CDC27: variants seen among roughly 807,000 people sequenced by gnomAD.
The protein encoded by CDC27 is cell division cycle protein 27 homolog.
A neutral mutation model predicts 109.7 loss-of-function variants in CDC27; 27 were observed. The observed-to-expected ratio is 0.25, with a 90% CI of 0.18 to 0.34. CDC27 has a LOEUF of 0.34. CDC27 is among the 10% of genes least tolerant of loss of function. CDC27 has a pLI of 1.00. For synonymous variants in CDC27, 266 were observed against 333.9 expected (o/e 0.80, Z 2.22); for missense variants, 579 against 960.2 (o/e 0.60, Z 5.25).
intron 3 of CDC27, among the ~76,000 whole-genome samples, chr17:47,171,244 G>A (rs1466323779): frequency 6.6e-6 from 1 of 152,208 alleles, no homozygotes; most frequent in Non-Finnish European, 1.5e-5. Context: ...TAATTAAAAA[G>A]CCATCAATTA....
intron 16 of CDC27, among the ~76,000 whole-genome samples, chr17:47,124,633 CAA>C (rs998160114): frequency 1.6e-4 from 25 of 152,136 alleles, no homozygotes; most frequent in African/African-American, 5.3e-4. Context: ...TTCAGAACAA[CAA>C]AAAGTTATTG....
At position 47,150,034 on chromosome 17, in the gene CDC27, C is replaced by T. The variant is rs1474630065; in HGVS notation, c.1070+1772G>A. Among the ~76,000 whole-genome samples the T allele has an allele frequency of 2.0e-5, 3 of 152,026 alleles. No individual in the cohort carries two copies. The East Asian group carries it at 5.8e-4, about 29-fold the overall frequency. On this transcript the variant is annotated intron_variant, in intron 9 of 18. Transcript: ENST00000066544. The stretch of plus-strand genomic sequence containing the variant: ...GGCAGAAACCACAACCACAATAATG[C>T]ACTGTGGGGTTTATAACATATATAG...
Position 47,151,788 on chromosome 17 carries a change from A to T in CDC27, c.1070+18T>A. On this transcript the variant is annotated intron_variant, in intron 9 of 18. Coordinates refer to ENST00000066544, the MANE Select transcript of CDC27 (RefSeq NM_001256.6). ...AGTTTTATGCCAAGAAAAGTTGAAT[A>T]ATTACAATGATAAATACCTTGTTTG... is the stretch of plus-strand genomic sequence containing the variant. The T allele has an allele frequency of 6.6e-7, 1 of 1,514,052 alleles. No individual in the cohort carries two copies. The highest frequency in any genetic ancestry group is 8.9e-7 in the Non-Finnish European group (1 of 1,129,608). 93.8% of individuals were successfully genotyped at this position (1,514,052 alleles called of 1,614,324 possible).
At chr17:47,127,258 C>G (rs1014090777) in intron 16 of CDC27, among the ~76,000 whole-genome samples, 1 of 151,952 alleles carries the variant, frequency 6.6e-6, no homozygotes, top group Non-Finnish European at 1.5e-5. Context: ...GCAAGAAAAA[C>G]AAAAACTAAA....
intron 16 of CDC27, among the ~76,000 whole-genome samples, chr17:47,124,439 A>G (rs182545445): frequency 7.5e-4 from 114 of 152,182 alleles, no homozygotes; most frequent in African/African-American, 2.7e-3. Context: ...ATGCGCCACC[A>G]CACCCAGCTA....
intron 4 of CDC27, among the ~76,000 whole-genome samples, chr17:47,168,434 C>T (rs572150417): frequency 1.4e-4 from 22 of 152,284 alleles, no homozygotes; most frequent in African/African-American, 5.3e-4. Flanking sequence ...CTATATCACA[C>T]TTACAAACTT....
Position 47,121,122 on chromosome 17 carries a change from C to T in CDC27, c.2393-105G>A. On this transcript the variant is annotated intron_variant, in intron 18 of 18. Transcript: ENST00000066544. ...TTGTATTATATTCAGAGAGATAAAA[C>T]CCTAAATAAAGGCCCTTAAAAATCC... 7 of 743,540 alleles carry T rather than the reference C, an allele frequency of 9.4e-6. No homozygotes were observed. In the South Asian group the frequency reaches 1.1e-4, roughly 12 times the overall value. The allele number at this position is 743,540 out of a possible 1,614,324, so 46.1% of individuals were successfully genotyped here.
chr17:47,160,941 A>T (rs1386001442), intron 4 of CDC27: 1 of 152,246 alleles, frequency 6.6e-6, no homozygotes, highest in Non-Finnish European at 1.5e-5. Context: ...CACTTGTGTA[A>T]TTTAAGCCAA....
rs199734317 is a variant in CDC27 at position 47,129,348 on chromosome 17, T to C, written c.2160+45A>G. 1,130 of 1,391,358 alleles carry C rather than the reference T, an allele frequency of 8.1e-4. 2 individuals are homozygous for C. The highest frequency in any genetic ancestry group is 1.1e-3 in the Non-Finnish European group (1,060 of 1,009,336). The allele number at this position is 1,391,358 out of a possible 1,614,324, so 86.2% of individuals were successfully genotyped here. A position where few individuals can be genotyped will look rare whatever the true frequency, so the allele number is the denominator to read the frequency against. ...TATTGAAAACAAGGGATAACGTTGT[T>C]TTTAAGCAATACAACACTGAAGACC... On this transcript the variant is annotated intron_variant, in intron 16 of 18. Transcript: ENST00000066544.
chr17:47,170,182 T>A, intron 3 of CDC27, 140 bp from the exon 4 acceptor site: 1 of 533,664 alleles, frequency 1.9e-6, no homozygotes. Context: ...CTTCCTTCCT[T>A]CATCCCTCCC....
intron 8 of CDC27, among the ~76,000 whole-genome samples, chr17:47,153,729 T>A (rs2063215818): frequency 6.6e-6 from 1 of 152,166 alleles, no homozygotes; most frequent in Non-Finnish European, 1.5e-5. Flanking sequence ...GCCACAGATA[T>A]GCTTTTTAAA....
intron 4 of CDC27, among the ~76,000 whole-genome samples, chr17:47,162,493 T>C (rs1279562407): frequency 6.6e-6 from 1 of 152,228 alleles, no homozygotes; most frequent in Admixed American, 6.5e-5. Flanking sequence ...TGTTTTCAAG[T>C]AGCCCCGTCC....
chr17:47,168,719 G>A (rs1440431111), intron 4 of CDC27, among the ~76,000 whole-genome samples: 1 of 152,088 alleles, frequency 6.6e-6, no homozygotes, highest in African/African-American at 2.4e-5. Context: ...TCGCAAGAGT[G>A]GTGTTAATGG....
intron 9 of CDC27, among the ~76,000 whole-genome samples, chr17:47,145,682 C>T (rs1429323152): frequency 2.0e-5 from 3 of 152,122 alleles, no homozygotes; most frequent in Admixed American, 1.3e-4. Flanking sequence ...GCAGGCGGAT[C>T]ACGAGGTCAA....
intron 12 of CDC27, 90 bp downstream of exon 12, chr17:47,141,763 T>C (rs927791564): frequency 4.3e-6 from 3 of 704,662 alleles, no homozygotes; most frequent in Non-Finnish European, 4.7e-6. Context: ...TACTGATCTT[T>C]TAGATCTAGC....
intron 13 of CDC27, among the ~76,000 whole-genome samples, chr17:47,137,623 G>A (rs778112946): frequency 6.6e-6 from 1 of 152,172 alleles, no homozygotes; most frequent in South Asian, 2.1e-4. Context: ...TGAATAATGT[G>A]ACTCTACCTT....
rs2062197153 is a variant in CDC27, at chr17:47,127,918, C to CTGG, written c.2160+1472_2160+1474dup. Among the ~76,000 whole-genome samples, 6 of 151,996 alleles carry CTGG rather than the reference C, an allele frequency of 3.9e-5. No homozygotes were observed. In the South Asian group the frequency reaches 1.2e-3, roughly 32 times the overall value. On this transcript the variant is annotated intron_variant, in intron 16 of 18. Coordinates refer to ENST00000066544, the MANE Select transcript of CDC27 (RefSeq NM_001256.6). Reference sequence around the variant, plus strand: ...ATGGGGTTTTGCCATGTTGCCCAGGCTGGTCTCAAGTTCCGTGGACTCATG... The same window carrying CTGG: ...ATGGGGTTTTGCCATGTTGCCCAGGCTGGTGGTCTCAAGTTCCGTGGACTCATG...
chr17:47,129,441 T>C lies in CDC27; in HGVS notation c.2112A>G (p.Leu704=), dbSNP rs781346820. The C allele has an allele frequency of 4.3e-5, 69 of 1,611,088 alleles. No homozygotes were observed. In the African/African-American group the frequency reaches 7.3e-4, roughly 17 times the overall value. Residue 704 remains leucine (L), a synonymous_variant, in exon 16 of 19, where the codon CTA becomes CTG. Transcript: ENST00000066544. The stretch of plus-strand genomic sequence containing the variant: ...AAACTGAGGCTCTGTGAAATTTGCA[T>C]AGAGGGTTCTTGGGATCAATGACAA... ...KAIVIDPKNP[L]CKFHRASVLF...
intron 14 of CDC27, among the ~76,000 whole-genome samples, chr17:47,136,086 G>A (rs889587592): frequency 6.6e-5 from 10 of 152,122 alleles, no homozygotes; most frequent in Non-Finnish European, 1.5e-4. Flanking sequence ...AGCATACAGT[G>A]AGCCAAGATG....
Sources: allele counts gnomAD v4.1 joint callset (sites outside exome capture counted in the v4.1 genomes callset), GRCh38; gene constraint gnomAD v4.1.1; transcripts MANE v1.5; gene names NCBI Gene and HGNC (gene_info 2026-07-23, HGNC 2026-07-21).